The following TSPAN18 variants were observed in gnomAD, a reference collection of about 807,000 sequenced individuals.
The protein encoded by TSPAN18 is tetraspanin 18.
Under a neutral mutation model 27.3 loss-of-function variants are expected in TSPAN18, and 14 were observed. The ratio of observed to expected loss-of-function variants is 0.51; its 90% CI spans 0.34 to 0.80. The LOEUF (loss-of-function observed/expected upper bound fraction) is 0.80, where lower values mean the gene tolerates loss of function less well. Among genes scored for constraint, TSPAN18 ranks in the 30% least tolerant of loss-of-function variants. The probability of loss-of-function intolerance (pLI) is 0.01; values close to 1 mark genes in which losing one functional copy is unlikely to be tolerated. For missense variants in TSPAN18, 268 were observed against 323.9 expected, an observed-to-expected ratio of 0.83 and a Z score of 1.32; for synonymous variants, 143 against 136.5, an observed-to-expected ratio of 1.05 and a Z score of -0.33.
At chr11:44,760,955 A>G (rs957725466) in intron 1 of TSPAN18, among the ~76,000 whole-genome samples, 12 of 152,192 alleles carry the variant, frequency 7.9e-5, no homozygotes, top group African/African-American at 2.9e-4. Flanking sequence ...TTCAAGAGCC[A>G]TGATATCGTG....
intron 2 of TSPAN18, among the ~76,000 whole-genome samples, chr11:44,804,343 G>A (rs772534261): frequency 2.6e-5 from 4 of 152,164 alleles, no homozygotes; most frequent in South Asian, 2.1e-4. Context: ...TGCCCACCTC[G>A]GCCTCCCAAA....
intron 2 of TSPAN18, among the ~76,000 whole-genome samples, chr11:44,828,864 A>G (rs748212912): frequency 6.6e-6 from 1 of 151,994 alleles, no homozygotes; most frequent in African/African-American, 2.4e-5. Context: ...TACCTCCTAA[A>G]TAGCTCTTGA....
rs146969967 is a variant in TSPAN18, at chr11:44,791,597, C to G, written c.-153+27085C>G. On this transcript the variant is annotated intron_variant, in intron 2 of 9. Coordinates refer to ENST00000520358, the MANE Select transcript of TSPAN18 (RefSeq NM_130783.5). ...GAGGCACTCAGAGGCATCCTAGTCA[C>G]TTCTTCTGTGGACTGTCTCCTCCTC... Among the ~76,000 whole-genome samples the G allele has an allele frequency of 4.0e-3, 616 of 152,268 alleles. 7 individuals are homozygous for G. The highest frequency in any genetic ancestry group is 6.5e-3 in the Non-Finnish European group (440 of 67,996).
chr11:44,749,298 A>G (rs527449398), intron 1 of TSPAN18, among the ~76,000 whole-genome samples: 3 of 152,390 alleles, frequency 2.0e-5, no homozygotes, highest in African/African-American at 7.2e-5. Flanking sequence ...CCTGTTGCTC[A>G]AGATTGCTGG....
intron 2 of TSPAN18, among the ~76,000 whole-genome samples, chr11:44,780,269 C>T (rs994507241): frequency 6.6e-6 from 1 of 152,240 alleles, no homozygotes; most frequent in Non-Finnish European, 1.5e-5. Context: ...TTGATTGTTT[C>T]TCTGCTGTGG....
Position 44,926,635 on chromosome 11 carries a change from A to G in TSPAN18, c.616-39A>G, listed in dbSNP as rs757761717. On this transcript the variant is annotated intron_variant, in intron 8 of 9. Transcript: ENST00000520358. ...CTGGACTCTGACTCCAGGACTCTCA[A>G]CCCTGGCCATAGCTTGACCTCTCAT... 22 of 1,589,138 alleles carry G rather than the reference A, an allele frequency of 1.4e-5. No homozygotes were observed. In the Admixed American group the frequency reaches 3.2e-4, roughly 23 times the overall value.
intron 9 of TSPAN18, 115 bp from the exon 10 acceptor site, chr11:44,929,016 G>A (rs1167728050): frequency 2.3e-6 from 3 of 1,322,980 alleles, no homozygotes; most frequent in Non-Finnish European, 3.2e-6. Context: ...AATCCTTAGG[G>A]GAGGAGTGTG....
chr11:44,894,959 C>A (rs904819443), intron 3 of TSPAN18, among the ~76,000 whole-genome samples: 1 of 152,152 alleles, frequency 6.6e-6, no homozygotes, highest in African/African-American at 2.4e-5. Context: ...TTTTGCTAAC[C>A]AGGTAAATGA....
intron 1 of TSPAN18, among the ~76,000 whole-genome samples, chr11:44,741,854 A>C (rs1241096211): frequency 1.3e-5 from 2 of 152,130 alleles, no homozygotes; most frequent in Non-Finnish European, 2.9e-5. Flanking sequence ...CATGGGAACG[A>C]CCTGCCAGGT....
chr11:44,759,601 C>G (rs868471057), intron 1 of TSPAN18, among the ~76,000 whole-genome samples: 1 of 152,324 alleles, frequency 6.6e-6, no homozygotes, highest in South Asian at 2.1e-4. Context: ...ATCCATCTCT[C>G]CATCCACCCA....
intron 2 of TSPAN18, among the ~76,000 whole-genome samples, chr11:44,801,031 A>G (rs2135068658): frequency 6.6e-6 from 1 of 152,180 alleles, no homozygotes; most frequent in East Asian, 1.9e-4. Context: ...AGCTTTTTAA[A>G]CTGTACAGTT....
rs192683491 is a variant in TSPAN18 at position 44,753,703 on chromosome 11, T to A, written c.-239-10723T>A. On this transcript the variant is annotated intron_variant, in intron 1 of 9. Coordinates refer to ENST00000520358, the MANE Select transcript of TSPAN18 (RefSeq NM_130783.5). ...GAGCACATAGTGATCGACTTCAGTGTGGCTTGCTGAGTGAATACACATGGA... is the reference window on the plus strand; with the variant it reads ...GAGCACATAGTGATCGACTTCAGTGAGGCTTGCTGAGTGAATACACATGGA... 3.9e-5 allele frequency among the ~76,000 whole-genome samples: 6 copies of A among 152,320 alleles called. No individual in the cohort carries two copies. In the East Asian group the frequency reaches 1.2e-3, roughly 29 times the overall value.
intron 2 of TSPAN18, among the ~76,000 whole-genome samples, chr11:44,816,986 G>T (rs1455485734): frequency 1.3e-5 from 2 of 152,248 alleles, no homozygotes; most frequent in Non-Finnish European, 2.9e-5. Flanking sequence ...GTTGGGCTCT[G>T]GTGCCACATG....
In TSPAN18 at chr11:44,897,897, T is replaced by C; in HGVS notation, c.-10-8510T>C. ...CCCCATCACCTGACACGGTCCCATC[T>C]CCACTCTGATCCTTTCCAATCTGCC... On this transcript the variant is annotated intron_variant, in intron 3 of 9. Transcript: ENST00000520358. 19 of 1,270,710 alleles carry C rather than the reference T, an allele frequency of 1.5e-5. No homozygotes were observed. In the South Asian group the frequency reaches 2.2e-4, roughly 15 times the overall value. The allele number at this position is 1,270,710 out of a possible 1,614,324, so 78.7% of individuals were successfully genotyped here. A position where few individuals can be genotyped will look rare whatever the true frequency, so the allele number is the denominator to read the frequency against.
At chr11:44,927,597 G>T (rs2135386539) in intron 9 of TSPAN18, among the ~76,000 whole-genome samples, 1 of 152,306 alleles carries the variant, frequency 6.6e-6, no homozygotes, top group African/African-American at 2.4e-5. Flanking sequence ...AGAGGGAGGG[G>T]TCATTGATTA....
intron 3 of TSPAN18, among the ~76,000 whole-genome samples, chr11:44,880,424 T>TGG (rs1393288286): frequency 6.6e-6 from 1 of 152,194 alleles, no homozygotes; most frequent in East Asian, 1.9e-4. Context: ...CTCCCTCTCC[T>TGG]CATCTGTAAA....
intron 2 of TSPAN18, among the ~76,000 whole-genome samples, chr11:44,799,308 G>A (rs835857): frequency 0.17 from 25,302 of 151,956 alleles, 2,265 homozygotes; most frequent in Non-Finnish European, 0.18. Context: ...AGCCTGTCCC[G>A]CACCCCACCC....
At chr11:44,794,390 G>A (rs747498693) in intron 2 of TSPAN18, among the ~76,000 whole-genome samples, 6 of 152,134 alleles carry the variant, frequency 3.9e-5, no homozygotes, top group Non-Finnish European at 8.8e-5. Context: ...GGCTCTGGCC[G>A]GGCATGGTAG....
intron 2 of TSPAN18, among the ~76,000 whole-genome samples, chr11:44,854,199 G>GC (rs1857673738): frequency 9.6e-6 from 1 of 103,748 alleles, no homozygotes; most frequent in Non-Finnish European, 2.0e-5. Flanking sequence ...GGGGCAGGGG[G>GC]TGGGGGGGGG....
Sources: gnomAD v4.1 joint callset for allele counts (sites outside exome capture counted in the v4.1 genomes callset) on GRCh38, gnomAD v4.1.1 for gene constraint, MANE v1.5 for transcripts, NCBI Gene and HGNC (gene_info 2026-07-23, HGNC 2026-07-21) for gene names.